Variants in EVC observed in about 807,000 individuals in gnomAD.
The protein encoded by EVC is evC complex member EVC.
In EVC, 116 loss-of-function variants were observed where a neutral mutation model predicts 118.9. The observed-to-expected ratio is 0.98, with a 90% CI of 0.84 to 1.14. The LOEUF is 1.14. EVC is among the 50% of genes most tolerant of loss of function. The probability of loss-of-function intolerance (pLI) is 0.00; values close to 1 mark genes in which losing one functional copy is unlikely to be tolerated. For synonymous variants in EVC, 619 were observed against 534.7 expected (o/e 1.16, Z -2.18); for missense variants, 1,401 against 1,246.4 (o/e 1.12, Z -1.87).
intron 20 of EVC, 24 bp from the exon 21 acceptor site, chr4:5,810,929 G>C: frequency 6.2e-7 from 1 of 1,602,710 alleles, no homozygotes; most frequent in Non-Finnish European, 8.5e-7. Context: ...GTTCTAACTG[G>C]CTGCCTTTCT....
chr4:5,716,792 GC>G (rs1724035645), intron 1 of EVC, among the ~76,000 whole-genome samples: 1 of 152,190 alleles, frequency 6.6e-6, no homozygotes, highest in Admixed American at 6.5e-5. Context: ...GGATTTGCAG[GC>G]CCTTAAAAAG....
rs544359000 is a variant in EVC at position 5,777,807 on chromosome 4, T to G, written c.1564-5745T>G. On this transcript the variant is annotated intron_variant, in intron 11 of 20. Transcript: ENST00000264956. The stretch of plus-strand genomic sequence containing the variant: ...GCTTAAGAGTGTGGCATTCATTAGG[T>G]TGAATTAACATTGATTTGAATGAAA... 1.3e-3 allele frequency among the ~76,000 whole-genome samples: 199 copies of G among 151,196 alleles called. 1 individual carries two copies. Among genetic ancestry groups the G allele is most frequent in the African/African-American group, 4.7e-3 (194 of 40,854 alleles).
rs760174792 is a variant in EVC at position 5,752,872 on chromosome 4, G to A, written c.1135G>A (p.Ala379Thr). ...LERTMGRAHM[A>T]KVIEFLKLQV... ...GAGGACGATGGGGCGGGCGCACATG[G>A]CAAAAGTGATTGAGTTTCTGAAGCT... is the stretch of plus-strand genomic sequence containing the variant. The change falls in exon 9 of 21, where the codon GCA (alanine) becomes ACA (threonine). Residue 379 changes from alanine (A) to threonine (T), a missense_variant. Physicochemically the swap from Ala to Thr is moderately conservative, Grantham distance 58. Transcript: ENST00000264956. 11 of 1,614,194 alleles carry A rather than the reference G, an allele frequency of 6.8e-6. No individual in the cohort carries two copies. The highest frequency in any genetic ancestry group is 3.3e-5 in the Admixed American group (2 of 60,032).
At chr4:5,726,530 C>T (rs957300966) in intron 2 of EVC, among the ~76,000 whole-genome samples, 3 of 149,052 alleles carry the variant, frequency 2.0e-5, no homozygotes, top group Admixed American at 6.7e-5. Flanking sequence ...TGTTGTGCCA[C>T]TATGCAAAGC....
At chr4:5,744,804 A>C (rs1410477079) in intron 6 of EVC, among the ~76,000 whole-genome samples, 1 of 152,084 alleles carries the variant, frequency 6.6e-6, no homozygotes, top group African/African-American at 2.4e-5. Flanking sequence ...AAACCAACCA[A>C]TCAAATACAC....
At chr4:5,796,269 T>C (rs2152337343) in intron 13 of EVC, among the ~76,000 whole-genome samples, 1 of 152,340 alleles carries the variant, frequency 6.6e-6, no homozygotes, top group South Asian at 2.1e-4. Context: ...TTTTCTGATA[T>C]CTCGTGGGCA....
intron 8 of EVC, among the ~76,000 whole-genome samples, chr4:5,751,733 CAG>C (rs1730401051): frequency 6.6e-6 from 1 of 152,148 alleles, no homozygotes; most frequent in African/African-American, 2.4e-5. Flanking sequence ...CAGTGGAGAA[CAG>C]AGTAGGGGAC....
chr4:5,759,587 G>A (rs1460347060), intron 11 of EVC, among the ~76,000 whole-genome samples: 5 of 152,170 alleles, frequency 3.3e-5, no homozygotes, highest in African/African-American at 1.2e-4. Context: ...CTCTAAAGCA[G>A]TTCTCAAACC....
chr4:5,741,036 A>G (rs985501548), intron 5 of EVC, among the ~76,000 whole-genome samples: 4 of 152,214 alleles, frequency 2.6e-5, no homozygotes, highest in Non-Finnish European at 5.9e-5. Context: ...CGTTTTGGCA[A>G]TTTCTTATCA....
At chr4:5,758,644 T>C (rs759937197) in intron 11 of EVC, among the ~76,000 whole-genome samples, 6 of 152,182 alleles carry the variant, frequency 3.9e-5, no homozygotes, top group Non-Finnish European at 7.3e-5. Context: ...GCTAACATGC[T>C]GTGTGACCTT....
At chr4:5,730,285 T>C (rs1050890630) in intron 3 of EVC, among the ~76,000 whole-genome samples, 27 of 152,186 alleles carry the variant, frequency 1.8e-4, no homozygotes, top group African/African-American at 6.5e-4. Flanking sequence ...CAATTATTAT[T>C]TGCTTTTGAA....
chr4:5,720,203 A>G (rs1383178), intron 2 of EVC, among the ~76,000 whole-genome samples: 35,663 of 151,990 alleles, frequency 0.23, 5,423 homozygotes, highest in African/African-American at 0.43. Context: ...AAGAGATGGA[A>G]CTAGCATTAT....
the EVC span, chr4:5,825,235 G>A: frequency 2.0e-6 from 2 of 985,270 alleles, no homozygotes; most frequent in Non-Finnish European, 2.4e-6. This position sits in a 1 kb window ranked among gnomAD's most constrained non-coding sequence, Gnocchi z 4.4. Flanking sequence ...ATGAGCACTG[G>A]GACAATTTTG....
intron 11 of EVC, among the ~76,000 whole-genome samples, chr4:5,758,642 G>C (rs1174932401): frequency 6.6e-6 from 1 of 152,136 alleles, no homozygotes; most frequent in Non-Finnish European, 1.5e-5. Context: ...GTGCTAACAT[G>C]CTGTGTGACC....
chr4:5,795,949 G>C (rs1470318282), intron 13 of EVC, among the ~76,000 whole-genome samples: 1 of 152,056 alleles, frequency 6.6e-6, no homozygotes, highest in Admixed American at 6.6e-5. Flanking sequence ...CAGGATTTCT[G>C]AGGCTTTTCC....
At chr4:5,817,430 A>G (rs1717885119), downstream of EVC, among the ~76,000 whole-genome samples, 1 of 152,202 alleles carries the variant, frequency 6.6e-6, no homozygotes, top group Admixed American at 6.5e-5. Flanking sequence ...CTCTGGACGC[A>G]CAGCCATGCC....
intron 5 of EVC, among the ~76,000 whole-genome samples, chr4:5,735,371 A>G (rs113835593): frequency 5.9e-5 from 9 of 152,236 alleles, no homozygotes; most frequent in African/African-American, 2.2e-4. Flanking sequence ...ACCCTAGTCC[A>G]CCCTTTGACA....
In EVC at chr4:5,746,838, G is replaced by A. The variant is rs1376033466; in HGVS notation, c.940-1310G>A. ...CCCATATTTAAGGAGGAGCGGATGA[G>A]AAGAATTGGGACAAGAAAGCAGAGG... On this transcript the variant is annotated intron_variant, in intron 7 of 20. Transcript: ENST00000264956. This position sits in a 1 kb window ranked among gnomAD's most constrained non-coding sequence, Gnocchi z 5.8. Among the ~76,000 whole-genome samples the A allele has an allele frequency of 1.3e-5, 2 of 152,184 alleles. No homozygotes were observed. Among genetic ancestry groups the A allele is most frequent in the East Asian group, 3.9e-4 (2 of 5,188 alleles).
intron 6 of EVC, among the ~76,000 whole-genome samples, chr4:5,744,742 C>G (rs1729096327): frequency 6.6e-6 from 1 of 152,160 alleles, no homozygotes; most frequent in African/African-American, 2.4e-5. Flanking sequence ...CAATGGCCTC[C>G]CCTGATTGGC....
Sources: allele counts gnomAD v4.1 joint callset (sites outside exome capture counted in the v4.1 genomes callset), GRCh38; gene constraint gnomAD v4.1.1; non-coding constraint Gnocchi (gnomAD v3.1); transcripts MANE v1.5; gene names NCBI Gene and HGNC (gene_info 2026-07-23, HGNC 2026-07-21).